MX1: variants seen among roughly 807,000 people sequenced by gnomAD.
MX1 encodes the protein interferon-induced GTP-binding protein Mx1.
A neutral mutation model predicts 66.4 loss-of-function variants in MX1; 66 were observed. That is an observed-to-expected ratio of 0.99 (90% CI 0.82 to 1.22). The LOEUF is 1.22. Among genes scored for constraint, MX1 ranks in the 50% most tolerant of loss-of-function variants. MX1 has a pLI of 0.00. For synonymous variants in MX1, 311 were observed against 318.1 expected (o/e 0.98, Z 0.24); for missense variants, 787 against 834.3 (o/e 0.94, Z 0.70).
chr21:41,457,081 C>T (rs1032264416), intron 16 of MX1, among the ~76,000 whole-genome samples: 38 of 152,120 alleles, frequency 2.5e-4, no homozygotes, highest in African/African-American at 8.7e-4. Flanking sequence ...TTTTGACAGC[C>T]TAATAGGTGA....
Position 41,452,875 on chromosome 21 carries a change from T to C in MX1, c.1758+6T>C, listed in dbSNP as rs759304221. 1.1e-5 allele frequency: 17 copies of C among 1,613,348 alleles called. No homozygotes were observed. The highest frequency in any genetic ancestry group is 1.4e-5 in the Non-Finnish European group (16 of 1,179,596). ...ACCTGATGGCCTATCACCAGGTACG[T>C]CTTCGCGTGGTTCAGGATGCCAGCT... On this transcript the variant is annotated splice_donor_region_variant and intron_variant, in intron 16 of 16. Transcript: ENST00000398598.
intron 4 of MX1, among the ~76,000 whole-genome samples, chr21:41,430,833 C>A (rs2090190356): frequency 6.6e-6 from 1 of 152,120 alleles, no homozygotes; most frequent in Admixed American, 6.5e-5. Flanking sequence ...AATGACATTT[C>A]ATTTCCCCCA....
chr21:41,451,277 AAG>A, intron 15 of MX1, 34 bp downstream of exon 15: 1 of 1,354,548 alleles, frequency 7.4e-7, no homozygotes, highest in South Asian at 1.2e-5. Flanking sequence ...AAAAAAAAAA[AAG>A]AAAAGAAATT....
intron 6 of MX1, 58 bp downstream of exon 6, chr21:41,436,087 C>T (rs1371887133): frequency 2.5e-6 from 4 of 1,579,132 alleles, no homozygotes; most frequent in African/African-American, 2.7e-5. Context: ...ATACCACAGA[C>T]AGGGTGGCTT....
At position 41,458,536 on chromosome 21, in the gene MX1, C is replaced by T. The variant is rs2091010022; in HGVS notation, c.1767C>T (p.Ser589=). ...QHLMAYHQEA[S]KRISSHIPLI... is the part of the protein sequence containing the mutation. ...CTGTTCTTTCCTTCCAGGAGGCCAGCAAGCGCATCTCCAGCCACATCCCTT... is the reference window on the plus strand; with the variant it reads ...CTGTTCTTTCCTTCCAGGAGGCCAGTAAGCGCATCTCCAGCCACATCCCTT... The change falls in exon 17 of 17, where the codon AGC becomes AGT. Residue 589 remains serine (S), a synonymous_variant. Transcript: ENST00000398598. 1 of 1,614,150 alleles carries T rather than the reference C, an allele frequency of 6.2e-7. No homozygotes were observed. The highest frequency in any genetic ancestry group is 8.5e-7 in the Non-Finnish European group (1 of 1,180,016).
At chr21:41,452,471 C>T in intron 15 of MX1, 150 bp from the exon 16 acceptor site, 1 of 842,968 alleles carries the variant, frequency 1.2e-6, no homozygotes, top group Non-Finnish European at 1.8e-6. Flanking sequence ...GCCTTAGATA[C>T]ACCAGGGCGC....
rs983984827 is a variant in MX1, at chr21:41,451,861, A to G, written c.1509+618A>G. Among the ~76,000 whole-genome samples the G allele has an allele frequency of 2.0e-5, 3 of 151,124 alleles. 1 individual carries two copies. The highest frequency in any genetic ancestry group is 7.3e-5 in the African/African-American group (3 of 41,050). On this transcript the variant is annotated intron_variant, in intron 15 of 16. Transcript: ENST00000398598. Reference sequence around the variant, plus strand: ...AAAAAAAAAAAAAAAACAAACAAAAAAACTTTCCATCCAGAGTGAGGAAAG... The same window carrying G: ...AAAAAAAAAAAAAAAACAAACAAAAGAACTTTCCATCCAGAGTGAGGAAAG...
intron 4 of MX1, 29 bp from the exon 5 acceptor site, chr21:41,432,021 T>A: frequency 6.3e-7 from 1 of 1,576,654 alleles, no homozygotes; most frequent in Non-Finnish European, 8.7e-7. Context: ...GCTGCTTATC[T>A]GTTCAATAGG....
chr21:41,458,829 G>A lies in MX1; in HGVS notation c.*71G>A. 6.5e-7 allele frequency: 1 copy of A among 1,542,804 alleles called. No individual in the cohort carries two copies. Among genetic ancestry groups the A allele is most frequent in the Non-Finnish European group, 8.7e-7 (1 of 1,147,574 alleles). On this transcript the variant is annotated 3_prime_UTR_variant, in exon 17 of 17. Coordinates refer to ENST00000398598, the MANE Select transcript of MX1 (RefSeq NM_002462.5). ...CCCGTTCCCGGGTAGCCACTGGACT[G>A]ACGACTTGAGTGCTCAGTAGTCAGA...
At chr21:41,451,293 C>T (rs1707318560) in intron 15 of MX1, 50 bp downstream of exon 15, 1 of 1,161,044 alleles carries the variant, frequency 8.6e-7, no homozygotes. Flanking sequence ...AGAAATTAAG[C>T]TTGACACTAG....
intron 10 of MX1, chr21:41,442,688 T>C (rs2090553719): frequency 6.6e-6 from 1 of 152,244 alleles, no homozygotes. Flanking sequence ...CATTCACAAT[T>C]GCCAGAAGAT....
At chr21:41,452,032 G>C (rs896477763) in intron 15 of MX1, among the ~76,000 whole-genome samples, 1 of 151,972 alleles carries the variant, frequency 6.6e-6, no homozygotes, top group Non-Finnish European at 1.5e-5. Context: ...CTTCCAGCCT[G>C]TGCCCCTGAC....
chr21:41,434,522 C>T (rs900852267), intron 5 of MX1, among the ~76,000 whole-genome samples: 7 of 152,034 alleles, frequency 4.6e-5, no homozygotes, highest in Non-Finnish European at 7.4e-5. Context: ...CTTCGTTCCC[C>T]CTTTCGTCTT....
chr21:41,459,091 T>C lies in MX1; in HGVS notation c.*333T>C, dbSNP rs1042375814. ...ACTGACACATGCTGAACATCACAGC[T>C]TATTTCCTCATTTTTATAATGTCCC... On this transcript the variant is annotated 3_prime_UTR_variant, in exon 17 of 17. Transcript: ENST00000398598. 18 of 414,464 alleles carry C rather than the reference T, an allele frequency of 4.3e-5. No individual in the cohort carries two copies. The highest frequency in any genetic ancestry group is 7.8e-5 in the Non-Finnish European group (18 of 231,472). The allele number at this position is 414,464 out of a possible 1,614,324, so 25.7% of individuals were successfully genotyped here.
chr21:41,425,426 G>A (rs1428486363), upstream of MX1, among the ~76,000 whole-genome samples: 1 of 152,088 alleles, frequency 6.6e-6, no homozygotes, highest in African/African-American at 2.4e-5. Context: ...GTTAGGGTGG[G>A]GCAGGAACAA....
At position 41,432,128 on chromosome 21, in the gene MX1, C is replaced by T; in HGVS notation, c.58C>T (p.Leu20=). Residue 20 remains leucine (L), a synonymous_variant, in exon 5 of 17, where the codon CTA becomes TTA. Coordinates refer to ENST00000398598, the MANE Select transcript of MX1 (RefSeq NM_002462.5). ...KADPAAASHP[L]LLNGDATVAQ... Reference sequence around the variant, plus strand: ...TGATCCAGCTGCTGCATCCCACCCTCTATTACTGAATGGAGATGCTACTGT... The same window carrying T: ...TGATCCAGCTGCTGCATCCCACCCTTTATTACTGAATGGAGATGCTACTGT... The T allele has an allele frequency of 1.2e-6, 2 of 1,614,172 alleles. No homozygotes were observed. The highest frequency in any genetic ancestry group is 1.1e-5 in the South Asian group (1 of 91,092).
intron 4 of MX1, 161 bp from the exon 5 acceptor site, chr21:41,431,889 C>G: frequency 1.7e-6 from 1 of 593,678 alleles, no homozygotes; most frequent in South Asian, 2.0e-5. Flanking sequence ...AGTGAGCACA[C>G]ACTGTGTCCC....
At chr21:41,420,897 G>C (rs1178448300) in intron 1 of MX1, 1 of 152,344 alleles carries the variant, frequency 6.6e-6, no homozygotes, top group South Asian at 2.1e-4. Context: ...CTCCACACCT[G>C]TGGGTGTTTC....
chr21:41,429,498 C>T (rs2090153058), intron 3 of MX1: 1 of 152,082 alleles, frequency 6.6e-6, no homozygotes, highest in South Asian at 2.1e-4. Context: ...GACTGGTACT[C>T]CTGAGAGGCA....
Sources: allele counts gnomAD v4.1 joint callset (sites outside exome capture counted in the v4.1 genomes callset), GRCh38; gene constraint gnomAD v4.1.1; transcripts MANE v1.5; gene names NCBI Gene and HGNC (gene_info 2026-07-23, HGNC 2026-07-21).